HTT: variants seen among roughly 807,000 people sequenced by gnomAD.
HTT encodes huntington disease protein.
A neutral mutation model predicts 362.3 loss-of-function variants in HTT; 104 were observed. That is an observed-to-expected ratio of 0.29 (90% CI 0.24 to 0.34). The LOEUF (loss-of-function observed/expected upper bound fraction) is 0.34. Among genes scored for constraint, HTT ranks in the 10% least tolerant of loss-of-function variants. The pLI is 1.00. For synonymous variants in HTT, 1,577 were observed against 1,548.7 expected, an observed-to-expected ratio of 1.02 and a Z score of -0.43; for missense variants, 3,301 against 3,928.6, an observed-to-expected ratio of 0.84 and a Z score of 4.27.
At chr4:3,154,585 A>G (rs1168146534) in intron 27 of HTT, among the ~76,000 whole-genome samples, 166 bp downstream of exon 27, 1 of 152,246 alleles carries the variant, frequency 6.6e-6, no homozygotes, top group Non-Finnish European at 1.5e-5. Context: ...CTAATGACTG[A>G]TGTACACAGA....
chr4:3,114,350 T>A (rs1714915798), intron 6 of HTT, among the ~76,000 whole-genome samples: 1 of 152,250 alleles, frequency 6.6e-6, no homozygotes, highest in South Asian at 2.1e-4. Flanking sequence ...AGATTTTGTT[T>A]ATGGCCAGTT....
chr4:3,182,592 C>G (rs1718578327), intron 37 of HTT, 122 bp downstream of exon 37: 1 of 688,860 alleles, frequency 1.5e-6, no homozygotes, highest in African/African-American at 1.8e-5. Flanking sequence ...TAGCAGTTCT[C>G]CGTGCTAGTC....
intron 13 of HTT, 93 bp downstream of exon 13, chr4:3,130,140 A>C (rs897230898): frequency 7.4e-7 from 1 of 1,354,274 alleles, no homozygotes; most frequent in East Asian, 2.3e-5. Flanking sequence ...AAGTCCTTTG[A>C]TACTGTTTTC....
chr4:3,143,670 C>G (rs540486157), intron 23 of HTT, among the ~76,000 whole-genome samples: 76 of 150,500 alleles, frequency 5.0e-4, no homozygotes, highest in Non-Finnish European at 9.0e-4. Context: ...ATGGCATGAT[C>G]TCAGCTCACC....
At chr4:3,187,362 A>T (rs563111461) in intron 38 of HTT, among the ~76,000 whole-genome samples, 2 of 152,028 alleles carry the variant, frequency 1.3e-5, no homozygotes, top group Admixed American at 6.6e-5. Context: ...TCACTGTGTT[A>T]GCCAGGATGG....
At chr4:3,120,283 G>T (rs1001265158) in intron 8 of HTT, among the ~76,000 whole-genome samples, 2 of 152,302 alleles carry the variant, frequency 1.3e-5, no homozygotes, top group Middle Eastern at 6.8e-3. Context: ...TCCAAATCAT[G>T]TGGGACATAC....
At chr4:3,163,811 TTTC>T (rs1453042550) in intron 29 of HTT, among the ~76,000 whole-genome samples, 2 of 152,182 alleles carry the variant, frequency 1.3e-5, no homozygotes, top group African/African-American at 4.8e-5. Context: ...TCTTCTCTCT[TTTC>T]TTCTTTATTA....
At chr4:3,190,969 C>T (rs1419986891) in intron 40 of HTT, among the ~76,000 whole-genome samples, 3 of 152,160 alleles carry the variant, frequency 2.0e-5, no homozygotes, top group Non-Finnish European at 4.4e-5. Flanking sequence ...AAATATGAGG[C>T]AAACCAAAAT....
chr4:3,195,743 G>C (rs1292533182), intron 40 of HTT, among the ~76,000 whole-genome samples: 1 of 152,204 alleles, frequency 6.6e-6, no homozygotes, highest in Non-Finnish European at 1.5e-5. Context: ...GGGTGTTCTT[G>C]GTTCACGGAT....
Position 3,208,861 on chromosome 4 carries a change from C to G in HTT, c.6241C>G (p.Pro2081Ala), listed in dbSNP as rs767115582. The G allele has an allele frequency of 1.9e-6, 3 of 1,614,014 alleles. No homozygotes were observed. The highest frequency in any genetic ancestry group is 2.5e-6 in the Non-Finnish European group (3 of 1,180,018). Residue 2081 changes from proline (P) to alanine (A), a missense_variant, in exon 46 of 67, where the codon CCG becomes GCG. Physicochemically the swap from Pro to Ala is conservative, Grantham distance 27. Around this residue, in one of 4 missense-constraint regions of HTT, gnomAD observed 2,316 missense variants for 2,658.5 expected, o/e 0.87. Transcript: ENST00000355072. ...TCCCTCTCCTCCAGTCTCTTCCCAC[C>G]CGCTGGACGGGGATGGGCACGTGTC... ...LSPSPPVSSHPLDGDGHVSLE... is the reference protein window; with the variant it reads ...LSPSPPVSSHALDGDGHVSLE...
At chr4:3,116,009 TC>T (rs1442879148) in intron 7 of HTT, 75 bp from the exon 8 acceptor site, 1 of 1,360,588 alleles carries the variant, frequency 7.3e-7, no homozygotes. Context: ...CAGGATCTCT[TC>T]TTTTTTAACA....
chr4:3,196,107 G>A (rs1204253088), intron 40 of HTT, among the ~76,000 whole-genome samples: 1 of 152,216 alleles, frequency 6.6e-6, no homozygotes, highest in Non-Finnish European at 1.5e-5. Context: ...CATGGGATTA[G>A]TGGTGGCTTC....
chr4:3,184,326 G>C (rs1718659421), intron 37 of HTT, among the ~76,000 whole-genome samples: 3 of 151,982 alleles, frequency 2.0e-5, no homozygotes, highest in African/African-American at 7.3e-5. Context: ...GGCAGCCATG[G>C]GGAGGGAAGG....
At chr4:3,180,728 C>T (rs1476775516) in intron 36 of HTT, 77 bp downstream of exon 36, 1 of 1,322,782 alleles carries the variant, frequency 7.6e-7, no homozygotes, top group Non-Finnish European at 1.0e-6. Context: ...CATGTGGTAA[C>T]GCTCACTGTT....
chr4:3,220,333 G>T, intron 53 of HTT, 25 bp downstream of exon 53: 2 of 1,601,730 alleles, frequency 1.2e-6, no homozygotes, highest in Non-Finnish European at 1.7e-6. Flanking sequence ...TCTCCTTCAG[G>T]TCACCATTGT....
chr4:3,212,787 T>C lies in HTT; in HGVS notation c.6774+78T>C, dbSNP rs928779953. 16 of 1,492,260 alleles carry C rather than the reference T, an allele frequency of 1.1e-5. No individual in the cohort carries two copies. In the African/African-American group the frequency reaches 2.2e-4, roughly 21 times the overall value. The allele number at this position is 1,492,260 out of a possible 1,614,324, so 92.4% of individuals were successfully genotyped here. A position where few individuals can be genotyped will look rare whatever the true frequency, so the allele number is the denominator to read the frequency against. ...GACACTGAAGAGGGTAAAGCAGTTT[T>C]ATTTGAAAAGCAAGATCTCTGACCA... On this transcript the variant is annotated intron_variant, in intron 49 of 66. Transcript: ENST00000355072.
chr4:3,240,330 A>G lies in HTT; in HGVS notation c.*271A>G, dbSNP rs1483908079. 1 of 514,854 alleles carries G rather than the reference A, an allele frequency of 1.9e-6. No individual in the cohort carries two copies. The highest frequency in any genetic ancestry group is 3.4e-5 in the East Asian group (1 of 29,206). 31.9% of individuals were successfully genotyped at this position (514,854 alleles called of 1,614,324 possible). On this transcript the variant is annotated 3_prime_UTR_variant, in exon 67 of 67. Transcript: ENST00000355072. ...TGTGCTGCACCCCATGTGGGTGACC[A>G]GGTCCTTTCTCCTGATAGTCACCTG...
At chr4:3,188,908 A>G (rs758784020) in intron 39 of HTT, 43 bp from the exon 40 acceptor site, 8 of 1,591,166 alleles carry the variant, frequency 5.0e-6, no homozygotes, top group Non-Finnish European at 6.0e-6. Context: ...AGTGCTTTAT[A>G]GTAGTCACCT....
chr4:3,195,251 C>T (rs563169191), intron 40 of HTT, among the ~76,000 whole-genome samples: 2 of 152,234 alleles, frequency 1.3e-5, no homozygotes, highest in African/African-American at 4.8e-5. Context: ...AATTGGGATG[C>T]GATCCCACAT....
Sources: gnomAD v4.1 joint callset for allele counts (sites outside exome capture counted in the v4.1 genomes callset) on GRCh38, gnomAD v4.1.1 for gene constraint, gnomAD v4.1.1 regional missense constraint, MANE v1.5 for transcripts, NCBI Gene and HGNC (gene_info 2026-07-23, HGNC 2026-07-21) for gene names.